The following VTA1 variants were observed in gnomAD, a reference collection of about 807,000 sequenced individuals.
The protein encoded by VTA1 is vesicle trafficking 1.
Under a neutral mutation model 36.9 loss-of-function variants are expected in VTA1, and 24 were observed. That is an observed-to-expected ratio of 0.65 (90% CI 0.47 to 0.91). The LOEUF (loss-of-function observed/expected upper bound fraction) is 0.91, where lower values mean the gene tolerates loss of function less well. Ranked by LOEUF, VTA1 falls within the 40% of genes least tolerant of loss-of-function variation. The probability of loss-of-function intolerance (pLI) is 0.00; values close to 1 mark genes in which losing one functional copy is unlikely to be tolerated. For missense variants in VTA1, 393 were observed against 377.2 expected (o/e 1.04, Z -0.35); for synonymous variants, 142 against 130.2 (o/e 1.09, Z -0.62).
Position 142,169,566 on chromosome 6 carries a change from G to A in VTA1, c.224G>A (p.Gly75Asp). The change falls in exon 3 of 8, where the codon GGT becomes GAT. Residue 75 changes from glycine (G) to aspartate (D), a missense_variant. Coordinates refer to ENST00000367630, the MANE Select transcript of VTA1 (RefSeq NM_016485.5). ...DQLEALKKQL[G>D]DNEAITQEIV... Reference sequence around the variant, plus strand: ...TTATTTTAGCTAAAGAAGCAGTTGGGTGATAATGAAGCTATTACTCAAGAA... The same window carrying A: ...TTATTTTAGCTAAAGAAGCAGTTGGATGATAATGAAGCTATTACTCAAGAA... The A allele has an allele frequency of 6.2e-7, 1 of 1,606,978 alleles. No homozygotes were observed. Among genetic ancestry groups the A allele is most frequent in the Non-Finnish European group, 8.5e-7 (1 of 1,178,506 alleles).
intron 7 of VTA1, among the ~76,000 whole-genome samples, chr6:142,210,488 G>C (rs1775882926): frequency 6.6e-6 from 1 of 152,144 alleles, no homozygotes; most frequent in Non-Finnish European, 1.5e-5. Flanking sequence ...AAAGTGAAAA[G>C]ACAACCCATG....
chr6:142,167,946 G>T (rs1288265736), intron 2 of VTA1, among the ~76,000 whole-genome samples: 1 of 152,174 alleles, frequency 6.6e-6, no homozygotes, highest in Non-Finnish European at 1.5e-5. Context: ...AGCAGTAGTA[G>T]CTCAGATAAT....
intron 5 of VTA1, among the ~76,000 whole-genome samples, chr6:142,197,004 T>C (rs979444724): frequency 1.3e-5 from 2 of 152,164 alleles, no homozygotes; most frequent in African/African-American, 4.8e-5. Flanking sequence ...CATGGCTCAC[T>C]TCTTGGCAAC....
rs150105181 is a variant in VTA1 at position 142,149,706 on chromosome 6, G to C, written c.112+2307G>C. ...GTTCAGAAGTTCTTAATTTAAAAAT[G>C]TTATCAATCATTGTATGAATCTCTT... On this transcript the variant is annotated intron_variant, in intron 1 of 7. Transcript: ENST00000367630. 3.5e-3 allele frequency among the ~76,000 whole-genome samples: 528 copies of C among 152,212 alleles called. 1 individual carries two copies. Among genetic ancestry groups the C allele is most frequent in the African/African-American group, 0.012 (498 of 41,536 alleles).
chr6:142,153,605 G>T (rs995302518), intron 1 of VTA1, among the ~76,000 whole-genome samples: 9 of 151,896 alleles, frequency 5.9e-5, no homozygotes, highest in Non-Finnish European at 1.2e-4. Flanking sequence ...TTTCGAAGTT[G>T]GTTGGTCTTT....
rs762958144 is a variant in VTA1 at position 142,203,912 on chromosome 6, T to A, written c.698-73T>A. On this transcript the variant is annotated intron_variant, in intron 6 of 7. Coordinates refer to ENST00000367630, the MANE Select transcript of VTA1 (RefSeq NM_016485.5). ...AAAGTAATGAAATTGCCTCATGATT[T>A]TTAAGTGCTGCCCTGCTGTATAATT... 19 of 1,259,352 alleles carry A rather than the reference T, an allele frequency of 1.5e-5. No individual in the cohort carries two copies. The Middle Eastern group carries it at 9.5e-4, about 63-fold the overall frequency. 78.0% of individuals were successfully genotyped at this position (1,259,352 alleles called of 1,614,324 possible).
intron 1 of VTA1, among the ~76,000 whole-genome samples, chr6:142,157,062 G>A (rs1778675657): frequency 6.6e-6 from 1 of 152,220 alleles, no homozygotes; most frequent in Admixed American, 6.5e-5. Flanking sequence ...TACTCAGGAG[G>A]CTGAGGCAGA....
Position 142,169,630 on chromosome 6 carries a change from A to G in VTA1, c.288A>G (p.Lys96=). ...CCCATTTGGAGAATTATGCTTTGAA[A>G]ATGTTTTTGTATGCAGACAATGAAG... The part of the protein sequence containing the change: ...GCAHLENYAL[K]MFLYADNEDR... The change falls in exon 3 of 8, where the codon AAA becomes AAG. Residue 96 remains lysine (K), a synonymous_variant. Transcript: ENST00000367630. 1 of 1,610,010 alleles carries G rather than the reference A, an allele frequency of 6.2e-7. No homozygotes were observed. The highest frequency in any genetic ancestry group is 8.5e-7 in the Non-Finnish European group (1 of 1,179,038).
chr6:142,161,867 G>C lies in VTA1; in HGVS notation c.113-4361G>C, dbSNP rs554827709. On this transcript the variant is annotated intron_variant, in intron 1 of 7. Coordinates refer to ENST00000367630, the MANE Select transcript of VTA1 (RefSeq NM_016485.5). Reference sequence around the variant, plus strand: ...CAAGGAATTTTCCTTTTTATTAATAGTAGAAAATGTATCTTATGGTAAATT... The same window carrying C: ...CAAGGAATTTTCCTTTTTATTAATACTAGAAAATGTATCTTATGGTAAATT... Among the ~76,000 whole-genome samples the C allele has an allele frequency of 2.6e-5, 4 of 152,164 alleles. No homozygotes were observed. In the East Asian group the frequency reaches 5.8e-4, roughly 22 times the overall value.
rs567010868 is a variant in VTA1, at chr6:142,208,085, CAAAAAAAAAAA to C, written c.778+4033_778+4043del. Among the ~76,000 whole-genome samples, 17 of 99,500 alleles carry C rather than the reference CAAAAAAAAAAA, an allele frequency of 1.7e-4. No individual in the cohort carries two copies. The South Asian group carries it at 5.0e-3, about 29-fold the overall frequency. The allele number at this position is 99,500 out of a possible 152,430, so 65.3% of individuals were successfully genotyped here. On this transcript the variant is annotated intron_variant, in intron 7 of 7. Transcript: ENST00000367630. Reference sequence around the variant, plus strand: ...GCCTGGGTGACAGTGAGACTTCCATCAAAAAAAAAAAAAAAAAAAAAAATCCCAAAACTGAC... The same window carrying C: ...GCCTGGGTGACAGTGAGACTTCCATCAAAAAAAAAAAATCCCAAAACTGAC...
chr6:142,190,319 T>G (rs552025918), intron 5 of VTA1, among the ~76,000 whole-genome samples: 5 of 151,750 alleles, frequency 3.3e-5, no homozygotes, highest in Non-Finnish European at 5.9e-5. Flanking sequence ...GCATTTTTAG[T>G]TTTTTTTGTG....
In VTA1 at chr6:142,169,426, A is replaced by C; in HGVS notation, c.208-124A>C. 2.7e-6 allele frequency: 3 copies of C among 1,125,938 alleles called. No individual in the cohort carries two copies. The Admixed American group carries it at 9.0e-5, about 34-fold the overall frequency. 69.7% of individuals were successfully genotyped at this position (1,125,938 alleles called of 1,614,324 possible). A position where few individuals can be genotyped will look rare whatever the true frequency, so the allele number is the denominator to read the frequency against. On this transcript the variant is annotated intron_variant, in intron 2 of 7. Transcript: ENST00000367630. Reference sequence around the variant, plus strand: ...CAGCTCTTTTTGCAAGATTTCATTGATGACATCTTTTATTGAAATGAATGT... The same window carrying C: ...CAGCTCTTTTTGCAAGATTTCATTGCTGACATCTTTTATTGAAATGAATGT...
intron 1 of VTA1, among the ~76,000 whole-genome samples, chr6:142,163,033 G>A (rs1280875688): frequency 6.6e-6 from 1 of 152,102 alleles, no homozygotes; most frequent in Non-Finnish European, 1.5e-5. Flanking sequence ...TGAGAACATG[G>A]GCTGTGTTTA....
intron 5 of VTA1, among the ~76,000 whole-genome samples, chr6:142,197,115 A>G (rs1775566593): frequency 6.6e-6 from 1 of 152,074 alleles, no homozygotes; most frequent in Admixed American, 6.5e-5. Flanking sequence ...CATTTCTACC[A>G]GCTTTTGGTC....
At chr6:142,208,000 T>C (rs1433333577) in intron 7 of VTA1, among the ~76,000 whole-genome samples, 1 of 148,840 alleles carries the variant, frequency 6.7e-6, no homozygotes, top group Non-Finnish European at 1.5e-5. Context: ...GGCAGGAGAA[T>C]CGCTTGAACC....
intron 7 of VTA1, among the ~76,000 whole-genome samples, chr6:142,212,244 C>A (rs1451642619): frequency 6.6e-6 from 1 of 152,044 alleles, no homozygotes; most frequent in Non-Finnish European, 1.5e-5. Flanking sequence ...TTTACAATTG[C>A]CAAAACACAG....
intron 7 of VTA1, among the ~76,000 whole-genome samples, chr6:142,213,804 G>A (rs1444582093): frequency 3.3e-5 from 5 of 152,192 alleles, no homozygotes; most frequent in Non-Finnish European, 7.3e-5. Context: ...GCTACACAGA[G>A]CAGCTGGCCC....
intron 4 of VTA1, among the ~76,000 whole-genome samples, chr6:142,181,762 A>G (rs1775245639): frequency 6.6e-6 from 1 of 152,056 alleles, no homozygotes; most frequent in Non-Finnish European, 1.5e-5. Context: ...GAGGAGTTAT[A>G]TTTAAGTCTT....
chr6:142,194,416 G>A (rs1350516970), intron 5 of VTA1, among the ~76,000 whole-genome samples: 1 of 152,008 alleles, frequency 6.6e-6, no homozygotes. Flanking sequence ...ATTTATTTAA[G>A]TTTTCTGTAA....
Sources: allele counts gnomAD v4.1 joint callset (sites outside exome capture counted in the v4.1 genomes callset), GRCh38; gene constraint gnomAD v4.1.1; transcripts MANE v1.5; gene names NCBI Gene and HGNC (gene_info 2026-07-23, HGNC 2026-07-21).